Variants in QNG1 observed in about 807,000 individuals in gnomAD.
The protein encoded by QNG1 is queuosine 5'-phosphate N-glycosylase/hydrolase.
the QNG1 span, among the ~76,000 whole-genome samples, chr9:83,943,652 T>C: frequency 6.6e-6 from 1 of 152,196 alleles, no homozygotes; most frequent in East Asian, 1.9e-4. Context: ...CTTTATATTC[T>C]GTGTTATTCT....
chr9:83,950,591 CTTTTCT>C, the QNG1 span, among the ~76,000 whole-genome samples: 526 of 129,056 alleles, frequency 4.1e-3, 3 homozygotes, highest in African/African-American at 0.015. Flanking sequence ...TTTTTCTTTT[CTTTTCT>C]TTTTTTTTTT....
At chr9:83,946,387 T>A in the QNG1 span, among the ~76,000 whole-genome samples, 1 of 152,144 alleles carries the variant, frequency 6.6e-6, no homozygotes, top group Admixed American at 6.6e-5. Flanking sequence ...ACCACAACAT[T>A]CATTTTTAAC....
the QNG1 span, chr9:83,944,727 T>G: frequency 7.7e-7 from 1 of 1,292,956 alleles, no homozygotes; most frequent in Non-Finnish European, 1.1e-6. Context: ...GGAGACCTTT[T>G]GTAAAAGAAA....
At chr9:83,939,709 C>T in the QNG1 span, 1 of 1,614,138 alleles carries the variant, frequency 6.2e-7, no homozygotes, top group Non-Finnish European at 8.5e-7. Context: ...CTCTGATTTC[C>T]ACCTCTTGCC....
the QNG1 span, among the ~76,000 whole-genome samples, chr9:83,950,596 C>CTTTT: frequency 5.1e-5 from 6 of 118,230 alleles, no homozygotes; most frequent in Middle Eastern, 4.3e-3. Flanking sequence ...CTTTTCTTTT[C>CTTTT]TTTTTTTTTT....
the QNG1 span, among the ~76,000 whole-genome samples, chr9:83,954,609 C>T: frequency 6.7e-6 from 1 of 150,034 alleles, no homozygotes; most frequent in Non-Finnish European, 1.5e-5. Context: ...AGGCCCGGCA[C>T]AGTGGCTCAC....
chr9:83,939,628 T>G, the QNG1 span: 1 of 1,613,984 alleles, frequency 6.2e-7, no homozygotes. Context: ...CTCCATTAGG[T>G]TTTTCACCCT....
chr9:83,940,900 G>A, the QNG1 span, among the ~76,000 whole-genome samples: 347 of 152,242 alleles, frequency 2.3e-3, 2 homozygotes, highest in African/African-American at 7.5e-3. Context: ...GGAACAGGTG[G>A]GGAAACAGTG....
the QNG1 span, among the ~76,000 whole-genome samples, chr9:83,955,859 C>T: frequency 6.6e-6 from 1 of 152,178 alleles, no homozygotes; most frequent in African/African-American, 2.4e-5. Context: ...CAGATGTATT[C>T]TGAGTAAATT....
the QNG1 span, among the ~76,000 whole-genome samples, chr9:83,948,073 T>C: frequency 1.4e-5 from 2 of 145,966 alleles, no homozygotes; most frequent in African/African-American, 5.2e-5. Context: ...GTGAGGAGCG[T>C]CTCTGCCCGG....
chr9:83,945,140 C>T, the QNG1 span: 1 of 652,764 alleles, frequency 1.5e-6, no homozygotes, highest in Non-Finnish European at 2.4e-6. Context: ...ACCATGGCTC[C>T]CGCCTGTAAT....
the QNG1 span, among the ~76,000 whole-genome samples, chr9:83,947,561 C>T: frequency 5.9e-5 from 9 of 152,218 alleles, no homozygotes; most frequent in African/African-American, 1.7e-4. Context: ...CCTCTGATGC[C>T]GAGGGGAGGC....
chr9:83,944,947 C>T, the QNG1 span: 1 of 1,612,198 alleles, frequency 6.2e-7, no homozygotes, highest in Non-Finnish European at 8.5e-7. Flanking sequence ...CACGTATCTG[C>T]TACAAGGATT....
the QNG1 span, chr9:83,956,545 C>A: frequency 7.3e-5 from 108 of 1,488,368 alleles, no homozygotes; most frequent in East Asian, 2.0e-3. Flanking sequence ...CCGCCCTAGG[C>A]GGGTCAAGGT....
At chr9:83,956,082 C>T in the QNG1 span, 2 of 1,409,944 alleles carry the variant, frequency 1.4e-6, no homozygotes, top group Non-Finnish European at 2.0e-6. Flanking sequence ...TCCCAACCCG[C>T]TCCTTGGAAC....
the QNG1 span, chr9:83,956,683 T>G: frequency 8.1e-6 from 4 of 492,998 alleles, no homozygotes; most frequent in Non-Finnish European, 1.4e-5. Context: ...GGCGTTGCCC[T>G]GATTAGGAAA....
chr9:83,956,366 G>A, the QNG1 span: 3 of 1,609,088 alleles, frequency 1.9e-6, no homozygotes, highest in African/African-American at 1.3e-5. Context: ...ACCCCTCCAC[G>A]CGCAGCTCTG....
At chr9:83,949,546 T>A in the QNG1 span, among the ~76,000 whole-genome samples, 1 of 152,166 alleles carries the variant, frequency 6.6e-6, no homozygotes, top group Non-Finnish European at 1.5e-5. Flanking sequence ...CTCGGGAGGC[T>A]GAGGCAGGAG....
chr9:83,953,645 C>T, the QNG1 span: 1 of 619,906 alleles, frequency 1.6e-6, no homozygotes, highest in Non-Finnish European at 2.8e-6. Flanking sequence ...CACGCCAAGC[C>T]AATTTCTTTT....
Sources: allele counts gnomAD v4.1 joint callset (sites outside exome capture counted in the v4.1 genomes callset), GRCh38; gene constraint gnomAD v4.1.1; transcripts MANE v1.5; gene names NCBI Gene and HGNC (gene_info 2026-07-23, HGNC 2026-07-21).